Variants in POU2F2 observed in about 807,000 individuals in gnomAD.
POU2F2 encodes POU domain, class 2, transcription factor 2.
POU2F2 carries 14 observed loss-of-function variants against 63.5 expected under a neutral mutation model. The ratio of observed to expected loss-of-function variants is 0.22; its 90% CI spans 0.15 to 0.34. POU2F2 has a LOEUF of 0.34. Among genes scored for constraint, POU2F2 ranks in the 10% least tolerant of loss-of-function variants. The pLI is 1.00. For missense variants in POU2F2, 607 were observed against 815.2 expected, an observed-to-expected ratio of 0.74 and a Z score of 3.11; for synonymous variants, 306 against 348.6, an observed-to-expected ratio of 0.88 and a Z score of 1.36.
In POU2F2 at chr19:42,140,047, C is replaced by T. The variant is rs2034096223; in HGVS notation, c.-8-17471G>A. Reference sequence around the variant, plus strand: ...TTTTGTTGAGCTCACTGCTCCTCAACCTGGCTTGTGTGAGTCTCATTCAGA... The same window carrying T: ...TTTTGTTGAGCTCACTGCTCCTCAATCTGGCTTGTGTGAGTCTCATTCAGA... On this transcript the variant is annotated intron_variant, in intron 2 of 6. Coordinates refer to the POU2F2 transcript ENST00000524801. Among the ~76,000 whole-genome samples, 6 of 152,200 alleles carry T rather than the reference C, an allele frequency of 3.9e-5. No homozygotes were observed. The South Asian group carries it at 1.0e-3, about 26-fold the overall frequency.
upstream of POU2F2, chr19:42,133,329 A>G (rs1490228075): frequency 1.3e-5 from 2 of 152,200 alleles, no homozygotes; most frequent in African/African-American, 2.4e-5. This position sits in a 1 kb window ranked among gnomAD's most constrained non-coding sequence, Gnocchi z 5.1. Flanking sequence ...CCCCTCCCCA[A>G]CACCCTCCCA....
At chr19:42,170,078 AAGG>A (rs2034730450) in intron 1 of POU2F2, among the ~76,000 whole-genome samples, 1 of 151,908 alleles carries the variant, frequency 6.6e-6, no homozygotes, top group African/African-American at 2.4e-5. Context: ...ATGGGGGGAA[AAGG>A]AGGAGGAGGG....
Position 42,091,378 on chromosome 19 carries a change from G to T in POU2F2, c.1754C>A (p.Ser585Tyr). Residue 585 changes from serine (S) to tyrosine (Y), a missense_variant, in exon 15 of 15, where the codon TCT (serine) becomes TAT (tyrosine). This residue lies in a region of POU2F2 where 270 missense variants were observed against 307.5 expected (regional missense o/e 0.88). Coordinates refer to ENST00000692977, the MANE Select transcript of POU2F2 (RefSeq NM_001394376.1). ...AAVAASISSK[S>Y]PGLSSSSSSS... Reference sequence around the variant, plus strand: ...AGAGGATGAGGAGGAGAGGCCAGGAGACTTGCTGGAGATGGAGGCTGCCAC... The same window carrying T: ...AGAGGATGAGGAGGAGAGGCCAGGATACTTGCTGGAGATGGAGGCTGCCAC... The T allele has an allele frequency of 6.5e-7, 1 of 1,541,888 alleles. No individual in the cohort carries two copies. Among genetic ancestry groups the T allele is most frequent in the Non-Finnish European group, 8.7e-7 (1 of 1,146,872 alleles).
At chr19:42,188,825 G>A (rs2035043694) in intron 1 of POU2F2, among the ~76,000 whole-genome samples, 2 of 144,402 alleles carry the variant, frequency 1.4e-5, no homozygotes, top group South Asian at 2.3e-4. Flanking sequence ...GAAAAAGAGA[G>A]AGGAAGAAAA....
intron 2 of POU2F2, among the ~76,000 whole-genome samples, chr19:42,150,857 C>G (rs2034333570): frequency 6.6e-6 from 1 of 152,028 alleles, no homozygotes; most frequent in Non-Finnish European, 1.5e-5. Context: ...CACAGGGTGC[C>G]CAGAACTGCT....
chr19:42,182,046 G>A (rs749154333), intron 1 of POU2F2, among the ~76,000 whole-genome samples: 2 of 152,178 alleles, frequency 1.3e-5, no homozygotes, highest in African/African-American at 4.8e-5. Context: ...TAAGGGAAAC[G>A]AAGGCACACA....
At chr19:42,165,205 T>C (rs1401256795) in intron 1 of POU2F2, among the ~76,000 whole-genome samples, 1 of 152,178 alleles carries the variant, frequency 6.6e-6, no homozygotes, top group Non-Finnish European at 1.5e-5. Flanking sequence ...TTCCCTTATG[T>C]CCAAACCCAG....
rs2034519792 is a variant in POU2F2, at chr19:42,159,715, T to TTTTGAA, written c.-9+616_-9+617insTTCAAA. Among the ~76,000 whole-genome samples the TTTTGAA allele has an allele frequency of 2.0e-5, 3 of 152,128 alleles. No homozygotes were observed. The East Asian group carries it at 5.8e-4, about 29-fold the overall frequency. Reference sequence around the variant, plus strand: ...AGGGGCTTCATAAAACCTTCTTTGTTCAGGGGAACGCTTCCAGCCATATTT... The same window carrying TTTTGAA: ...AGGGGCTTCATAAAACCTTCTTTGTTTTTGAACAGGGGAACGCTTCCAGCCATATTT... On this transcript the variant is annotated intron_variant, in intron 2 of 6. Transcript: ENST00000524801.
chr19:42,142,072 A>G (rs549536652), intron 2 of POU2F2, among the ~76,000 whole-genome samples: 4 of 152,362 alleles, frequency 2.6e-5, no homozygotes, highest in African/African-American at 9.6e-5. Flanking sequence ...GATGTAAAAC[A>G]CATACATCTA....
intron 1 of POU2F2, among the ~76,000 whole-genome samples, chr19:42,165,870 G>GGA: frequency 6.6e-6 from 1 of 152,202 alleles, no homozygotes; most frequent in East Asian, 1.9e-4. Flanking sequence ...GGTAGGTAAG[G>GGA]GAGAAGGTTT....
At position 42,100,043 on chromosome 19, in the gene POU2F2, G is replaced by A. The variant is rs138863017; in HGVS notation, c.370-222C>T. On this transcript the variant is annotated intron_variant, in intron 5 of 14. Transcript: ENST00000692977. ...CATGGGGTACCAGAGAGTCCCAACT[G>A]GGCAGTCCTGGGAGGGCTCACTCTT... is the stretch of plus-strand genomic sequence containing the variant. Among the ~76,000 whole-genome samples, 185 of 150,702 alleles carry A rather than the reference G, an allele frequency of 1.2e-3. 1 individual carries two copies. The highest frequency in any genetic ancestry group is 0.01 in the Admixed American group (152 of 15,154).
chr19:42,091,595 G>A lies in POU2F2; in HGVS notation c.1541-4C>T, dbSNP rs1218839409. The A allele has an allele frequency of 6.5e-7, 1 of 1,546,150 alleles. No individual in the cohort carries two copies. Among genetic ancestry groups the A allele is most frequent in the Non-Finnish European group, 8.7e-7 (1 of 1,143,262 alleles). On this transcript the variant is annotated splice_region_variant and splice_polypyrimidine_tract_variant and intron_variant, in intron 14 of 14. Transcript: ENST00000692977. ...AGGGTTCCACCAGAGGCCAGGGCTG[G>A]CGGGGAGAGAGAGAGGCTGGGCTAA...
intron 2 of POU2F2, among the ~76,000 whole-genome samples, chr19:42,144,993 T>C (rs772402533): frequency 2.6e-5 from 4 of 152,224 alleles, no homozygotes; most frequent in Non-Finnish European, 4.4e-5. Context: ...AATAGGTAGT[T>C]AAGTCCCAGC....
chr19:42,182,268 G>GAGAA (rs1421298991), intron 1 of POU2F2, among the ~76,000 whole-genome samples: 1 of 151,206 alleles, frequency 6.6e-6, no homozygotes, highest in Non-Finnish European at 1.5e-5. Context: ...GAGAGAGAGA[G>GAGAA]AGAGAGAGAG....
At chr19:42,176,207 C>T (rs1426146488), upstream of POU2F2, among the ~76,000 whole-genome samples, 1 of 152,194 alleles carries the variant, frequency 6.6e-6, no homozygotes, top group Non-Finnish European at 1.5e-5. Flanking sequence ...GGAGCCTCTC[C>T]GAAGCGCCGC....
chr19:42,164,186 G>C (rs1467252928), intron 1 of POU2F2, among the ~76,000 whole-genome samples: 1 of 151,994 alleles, frequency 6.6e-6, no homozygotes, highest in Admixed American at 6.5e-5. Context: ...CAGCTACTCA[G>C]GAGGCTGAGG....
At position 42,095,781 on chromosome 19, in the gene POU2F2, G is replaced by A. The variant is rs933984818; in HGVS notation, c.871+7C>T. On this transcript the variant is annotated splice_region_variant and intron_variant, in intron 9 of 14. Transcript: ENST00000692977. The surrounding 1 kb of genome is among the most constrained non-coding windows in gnomAD (Gnocchi z 7.1). ...CCCCCTACGCGGGAACCCCAGCCTG[G>A]TCCCACCTGCATCGTTGAGCCACTT... 8.1e-6 allele frequency: 13 copies of A among 1,613,846 alleles called. 1 individual carries two copies. The highest frequency in any genetic ancestry group is 3.3e-5 in the Admixed American group (2 of 60,010).
chr19:42,145,083 A>G (rs541015721), intron 2 of POU2F2, among the ~76,000 whole-genome samples: 2 of 152,308 alleles, frequency 1.3e-5, no homozygotes, highest in South Asian at 4.1e-4. Flanking sequence ...CAAAATGTGT[A>G]TTTTTTACTT....
At position 42,090,888 on chromosome 19, in the gene POU2F2, T is replaced by G; in HGVS notation, c.*369A>C. 1 of 166,424 alleles carries G rather than the reference T, an allele frequency of 6.0e-6. No homozygotes were observed. Among genetic ancestry groups the G allele is most frequent in the Non-Finnish European group, 1.3e-5 (1 of 77,184 alleles). The allele number at this position is 166,424 out of a possible 1,614,324, so 10.3% of individuals were successfully genotyped here. A position where few individuals can be genotyped will look rare whatever the true frequency, so the allele number is the denominator to read the frequency against. On this transcript the variant is annotated 3_prime_UTR_variant, in exon 15 of 15. Coordinates refer to ENST00000692977, the MANE Select transcript of POU2F2 (RefSeq NM_001394376.1). This position sits in a 1 kb window ranked among gnomAD's most constrained non-coding sequence, Gnocchi z 4.4. ...AGGCTTCTCCGCCCCTGGCTGGGGT[T>G]TTTATTTGGCGTCGTAGCAGTGAGG...
Sources: allele counts gnomAD v4.1 joint callset (sites outside exome capture counted in the v4.1 genomes callset), GRCh38; gene constraint gnomAD v4.1.1; regional missense constraint gnomAD v4.1.1; non-coding constraint Gnocchi (gnomAD v3.1); transcripts MANE v1.5; gene names NCBI Gene and HGNC (gene_info 2026-07-23, HGNC 2026-07-21).